The following ZNF487 variants were observed in gnomAD, a reference collection of about 807,000 sequenced individuals.
ZNF487 encodes zinc finger protein 487.
In ZNF487, 4 loss-of-function variants were observed where a neutral mutation model predicts 3.0. That is an observed-to-expected ratio of 1.35 (90% confidence interval 0.66 to 3.08). ZNF487 has a LOEUF of 3.08. Ranked by LOEUF, ZNF487 falls within the 30% of genes most tolerant of loss-of-function variation. The pLI, the probability that ZNF487 is intolerant of heterozygous loss-of-function variation, is 0.01. For missense variants in ZNF487, 146 were observed against 98.7 expected, an observed-to-expected ratio of 1.48 and a Z score of -2.03; for synonymous variants, 55 against 34.6, an observed-to-expected ratio of 1.59 and a Z score of -2.06.
At chr10:43,455,238 C>T (rs539256495) in intron 1 of ZNF487, among the ~76,000 whole-genome samples, 2 of 152,092 alleles carry the variant, frequency 1.3e-5, no homozygotes, top group Non-Finnish European at 2.9e-5. Flanking sequence ...GTCTCGATCT[C>T]CTGACCTCCT....
At chr10:43,442,186 C>T (rs1839635338) in intron 1 of ZNF487, among the ~76,000 whole-genome samples, 1 of 151,738 alleles carries the variant, frequency 6.6e-6, no homozygotes, top group South Asian at 2.1e-4. Flanking sequence ...GCTATAGTAA[C>T]ACCACTAACA....
downstream of ZNF487, chr10:43,483,236 CT>C: frequency 2.6e-6 from 1 of 380,634 alleles, no homozygotes; most frequent in East Asian, 7.2e-5. Flanking sequence ...CTTTTCTTTT[CT>C]TTTCTTGTTG....
chr10:43,495,175 C>T, the ZNF487 span, among the ~76,000 whole-genome samples: 1 of 151,094 alleles, frequency 6.6e-6, no homozygotes, highest in African/African-American at 2.4e-5. Context: ...GTTCTATTAA[C>T]CTGCCCTGTG....
the ZNF487 span, among the ~76,000 whole-genome samples, chr10:43,510,792 C>T: frequency 3.9e-4 from 59 of 152,334 alleles, no homozygotes; most frequent in African/African-American, 1.2e-3. Flanking sequence ...ATGATCCGCC[C>T]GCCTTGGCCT....
chr10:43,439,440 C>T (rs919944286), intron 1 of ZNF487, among the ~76,000 whole-genome samples: 7 of 151,866 alleles, frequency 4.6e-5, no homozygotes, highest in Non-Finnish European at 8.8e-5. Context: ...CGGTGGCTAA[C>T]GCCTGTAATC....
At chr10:43,452,414 C>G (rs1356640061) in intron 1 of ZNF487, 1 of 151,700 alleles carries the variant, frequency 6.6e-6, no homozygotes, top group Non-Finnish European at 1.5e-5. Flanking sequence ...TTTTTTTCTT[C>G]TTTTTCTGGA....
intron 1 of ZNF487, among the ~76,000 whole-genome samples, chr10:43,462,589 G>A (rs1178549676): frequency 6.6e-6 from 1 of 150,844 alleles, no homozygotes; most frequent in Admixed American, 6.6e-5. Flanking sequence ...CTGAGTAGCT[G>A]GGACTACAGG....
the ZNF487 span, among the ~76,000 whole-genome samples, chr10:43,516,919 C>T: frequency 1.3e-5 from 2 of 152,152 alleles, no homozygotes; most frequent in South Asian, 2.1e-4. Flanking sequence ...TCAACAGCCT[C>T]TAGGCTGTAG....
rs763451709 is a variant in ZNF487 at position 43,441,034 on chromosome 10, ATTTTTT to A, written c.-94+3801_-94+3806del. On this transcript the variant is annotated intron_variant, in intron 1 of 3. Transcript: ENST00000437590. ...GGTAAATGCTACCACACCTGGTTAA[ATTTTTT>A]TTTTTTTTTTTTTTTTTTTTTTTTT... is the stretch of plus-strand genomic sequence containing the variant. Among the ~76,000 whole-genome samples, 367 of 44,508 alleles carry A rather than the reference ATTTTTT, an allele frequency of 8.2e-3. 1 individual carries two copies. The highest frequency in any genetic ancestry group is 0.026 in the African/African-American group (246 of 9,386). The allele number at this position is 44,508 out of a possible 152,430, so 29.2% of individuals were successfully genotyped here.
chr10:43,495,874 G>A, the ZNF487 span: 1 of 372,000 alleles, frequency 2.7e-6, no homozygotes. Flanking sequence ...AGGATATAAT[G>A]CCAAATAAAG....
In ZNF487 at chr10:43,482,874, C is replaced by G; in HGVS notation, c.*952C>G. 1 of 532,242 alleles carries G rather than the reference C, an allele frequency of 1.9e-6. No individual in the cohort carries two copies. Among genetic ancestry groups the G allele is most frequent in the Non-Finnish European group, 3.9e-6 (1 of 259,072 alleles). The allele number at this position is 532,242 out of a possible 1,614,324, so 33.0% of individuals were successfully genotyped here. Reference sequence around the variant, plus strand: ...GAAAATGTTCTACCACAAGTCATCCCTCACAGTACATCAGAGAACCCACAC... The same window carrying G: ...GAAAATGTTCTACCACAAGTCATCCGTCACAGTACATCAGAGAACCCACAC... On this transcript the variant is annotated 3_prime_UTR_variant, in exon 4 of 4. Transcript: ENST00000437590.
chr10:43,478,178 G>A (rs980886087), intron 3 of ZNF487, among the ~76,000 whole-genome samples: 5 of 152,082 alleles, frequency 3.3e-5, no homozygotes, highest in Admixed American at 6.6e-5. Context: ...CCAGCACTTC[G>A]GGAGACCAAC....
intron 1 of ZNF487, among the ~76,000 whole-genome samples, chr10:43,469,558 CT>C (rs1159213737): frequency 6.6e-6 from 1 of 151,888 alleles, no homozygotes; most frequent in East Asian, 1.9e-4. Context: ...CCAGGCTGAT[CT>C]TGGGCTCCTT....
the ZNF487 span, among the ~76,000 whole-genome samples, chr10:43,517,173 G>A: frequency 3.3e-5 from 5 of 152,228 alleles, no homozygotes; most frequent in Admixed American, 1.3e-4. Context: ...CGTTGTGTGA[G>A]GGGTCTTGCC....
chr10:43,449,598 G>A (rs529943705), intron 1 of ZNF487, among the ~76,000 whole-genome samples: 35 of 151,478 alleles, frequency 2.3e-4, no homozygotes, highest in Non-Finnish European at 4.7e-4. Context: ...TCAGTATTTT[G>A]TAATGCTTCA....
chr10:43,470,036 A>G (rs1840848640), intron 1 of ZNF487, among the ~76,000 whole-genome samples: 1 of 152,188 alleles, frequency 6.6e-6, no homozygotes, highest in Non-Finnish European at 1.5e-5. Flanking sequence ...TAGTGAAAAC[A>G]TAACTTTCAC....
At chr10:43,509,458 CAT>C in the ZNF487 span, among the ~76,000 whole-genome samples, 26,397 of 135,170 alleles carry the variant, frequency 0.2, 2,605 homozygotes, top group African/African-American at 0.23. Context: ...ACTAATGGAA[CAT>C]ATATATATAT....
the ZNF487 span, among the ~76,000 whole-genome samples, chr10:43,510,261 G>A: frequency 6.6e-6 from 1 of 152,152 alleles, no homozygotes; most frequent in African/African-American, 2.4e-5. Context: ...TACCCATTCT[G>A]TATTCCCTTT....
At chr10:43,515,329 A>G in the ZNF487 span, among the ~76,000 whole-genome samples, 1 of 152,142 alleles carries the variant, frequency 6.6e-6, no homozygotes, top group Non-Finnish European at 1.5e-5. Flanking sequence ...GAAAATCAAC[A>G]TTATCTTGCC....
Sources: allele counts gnomAD v4.1 joint callset (sites outside exome capture counted in the v4.1 genomes callset), GRCh38; gene constraint gnomAD v4.1.1; transcripts MANE v1.5; gene names NCBI Gene and HGNC (gene_info 2026-07-23, HGNC 2026-07-21).